Variants in ADGRL3 observed in about 807,000 individuals in gnomAD.
The protein encoded by ADGRL3 is adhesion G protein-coupled receptor L3.
Under a neutral mutation model 153.5 loss-of-function variants are expected in ADGRL3, and 62 were observed. The ratio of observed to expected loss-of-function variants is 0.40; its 90% CI spans 0.33 to 0.50. The LOEUF is 0.50. Ranked by LOEUF, ADGRL3 falls within the 20% of genes least tolerant of loss-of-function variation. The pLI is 0.47. For missense variants in ADGRL3, 1,641 were observed against 1,859.4 expected, an observed-to-expected ratio of 0.88 and a Z score of 2.16; for synonymous variants, 710 against 672.5, an observed-to-expected ratio of 1.06 and a Z score of -0.86.
intron 8 of ADGRL3, among the ~76,000 whole-genome samples, chr4:61,783,208 T>G (rs1296154881): frequency 6.6e-6 from 1 of 152,102 alleles, no homozygotes; most frequent in Non-Finnish European, 1.5e-5. Context: ...GCTTAAGGGA[T>G]TCTGTGACTC....
intron 1 of ADGRL3, among the ~76,000 whole-genome samples, chr4:61,363,830 G>A (rs2151543783): frequency 6.6e-6 from 1 of 152,014 alleles, no homozygotes; most frequent in Admixed American, 6.6e-5. Flanking sequence ...AGTAAATTGA[G>A]GCAAAAGTAC....
At chr4:61,335,831 A>G (rs141775738) in intron 1 of ADGRL3, among the ~76,000 whole-genome samples, 4 of 152,310 alleles carry the variant, frequency 2.6e-5, no homozygotes, top group East Asian at 3.9e-4. Flanking sequence ...CTTAATTTCT[A>G]TAAACTCTTT....
At chr4:61,630,817 T>A (rs2093118365) in intron 5 of ADGRL3, among the ~76,000 whole-genome samples, 1 of 152,356 alleles carries the variant, frequency 6.6e-6, no homozygotes, top group Middle Eastern at 3.4e-3. Context: ...GATATGAGGT[T>A]TGTAGGCTCC....
chr4:61,896,010 G>C (rs1369927337), intron 11 of ADGRL3, among the ~76,000 whole-genome samples, 176 bp downstream of exon 11: 1 of 151,942 alleles, frequency 6.6e-6, no homozygotes, highest in Non-Finnish European at 1.5e-5. Context: ...TGTTTTTAAA[G>C]TGCAAATCCA....
intron 17 of ADGRL3, among the ~76,000 whole-genome samples, chr4:61,963,304 T>A (rs1191772976): frequency 6.6e-6 from 1 of 152,048 alleles, no homozygotes. Context: ...ATGTGCAGGT[T>A]TGTGACATGG....
chr4:61,419,420 CA>C (rs1201152126), intron 2 of ADGRL3, among the ~76,000 whole-genome samples: 2 of 150,638 alleles, frequency 1.3e-5, no homozygotes, highest in African/African-American at 4.9e-5. Flanking sequence ...AGAGCCAACC[CA>C]GGGGGCAAGG....
chr4:61,907,936 C>A (rs561968084), intron 11 of ADGRL3, among the ~76,000 whole-genome samples: 4 of 152,092 alleles, frequency 2.6e-5, no homozygotes, highest in African/African-American at 9.6e-5. Context: ...TTTTCCTAGC[C>A]CTCACTCAAA....
intron 19 of ADGRL3, 150 bp from the exon 20 acceptor site, chr4:61,996,141 T>A: frequency 5.1e-6 from 3 of 585,256 alleles, no homozygotes; most frequent in Non-Finnish European, 9.3e-6. Flanking sequence ...GGGCACATAA[T>A]TCAGCATTTA....
intron 3 of ADGRL3, 42 bp downstream of exon 3, chr4:61,497,390 C>T: frequency 7.5e-7 from 1 of 1,327,604 alleles, no homozygotes; most frequent in Non-Finnish European, 1.1e-6. Flanking sequence ...AATGTTGTCT[C>T]ACTTATTCAT....
intron 2 of ADGRL3, among the ~76,000 whole-genome samples, chr4:61,429,155 C>A (rs1056798943): frequency 6.6e-6 from 1 of 152,054 alleles, no homozygotes; most frequent in Admixed American, 6.6e-5. Context: ...CCAACAATCA[C>A]AGTATTGTTT....
intron 23 of ADGRL3, 90 bp downstream of exon 23, chr4:62,031,700 T>C (rs1231666955): frequency 1.2e-6 from 1 of 846,128 alleles, no homozygotes; most frequent in South Asian, 2.2e-5. Context: ...TTATTCTTGA[T>C]ATGTTTGTCT....
chr4:62,012,487 C>A (rs1270362734), intron 21 of ADGRL3, among the ~76,000 whole-genome samples: 1 of 152,176 alleles, frequency 6.6e-6, no homozygotes, highest in Non-Finnish European at 1.5e-5. Flanking sequence ...TTAATTAACT[C>A]ACCTCAAACC....
In ADGRL3 at chr4:61,694,192, T is replaced by C. The variant is rs1485214152; in HGVS notation, c.583+17257T>C. ...AATTTTGTCATTATTTTTTTTTTTT[T>C]TTTTTTTTTTTTTTTTTTTTTTTTT... On this transcript the variant is annotated intron_variant, in intron 6 of 26. Coordinates refer to ENST00000683033, the MANE Select transcript of ADGRL3 (RefSeq NM_001387552.1). Among the ~76,000 whole-genome samples the C allele has an allele frequency of 4.2e-3, 206 of 48,688 alleles. 2 individuals are homozygous for C. The South Asian group carries it at 0.059, about 14-fold the overall frequency. The allele number at this position is 48,688 out of a possible 152,430, so 31.9% of individuals were successfully genotyped here.
At chr4:61,539,861 C>A (rs2098680009) in intron 4 of ADGRL3, among the ~76,000 whole-genome samples, 1 of 152,152 alleles carries the variant, frequency 6.6e-6, no homozygotes, top group Non-Finnish European at 1.5e-5. Flanking sequence ...ACTGTCTCTG[C>A]CAGAGCCTTT....
chr4:62,068,826 C>T (rs889949196), intron 26 of ADGRL3, among the ~76,000 whole-genome samples: 2 of 152,148 alleles, frequency 1.3e-5, no homozygotes, highest in African/African-American at 4.8e-5. Context: ...AACTGTCTTA[C>T]TTGAATACAC....
At chr4:61,732,350 T>G (rs2096456880) in intron 7 of ADGRL3, among the ~76,000 whole-genome samples, 1 of 152,182 alleles carries the variant, frequency 6.6e-6, no homozygotes, top group Non-Finnish European at 1.5e-5. Context: ...TTCATCAGAA[T>G]GGAAACAATA....
chr4:61,662,481 C>T (rs941929121), intron 5 of ADGRL3, among the ~76,000 whole-genome samples: 8 of 152,204 alleles, frequency 5.3e-5, no homozygotes, highest in East Asian at 1.9e-4. Context: ...ACATACCAGC[C>T]GCCTGCTGCC....
chr4:61,412,763 A>AT (rs924550189), intron 2 of ADGRL3, among the ~76,000 whole-genome samples: 5 of 151,904 alleles, frequency 3.3e-5, no homozygotes, highest in Admixed American at 2.6e-4. Context: ...CCTGTTCTAG[A>AT]TTTTTTTATT....
rs551416028 is a variant in ADGRL3 at position 61,619,066 on chromosome 4, G to GCAAA, written c.473+31627_473+31630dup. ...TTTTTTAAATGAGCCTTTAGGCAAA[G>GCAAA]CAAATCACATGGCCAACTCTTGTAG... On this transcript the variant is annotated intron_variant, in intron 5 of 26. Coordinates refer to ENST00000683033, the MANE Select transcript of ADGRL3 (RefSeq NM_001387552.1). 1.8e-4 allele frequency among the ~76,000 whole-genome samples: 28 copies of GCAAA among 152,262 alleles called. No homozygotes were observed. In the South Asian group the frequency reaches 4.6e-3, roughly 25 times the overall value.
Sources: gnomAD v4.1 joint callset for allele counts (sites outside exome capture counted in the v4.1 genomes callset) on GRCh38, gnomAD v4.1.1 for gene constraint, MANE v1.5 for transcripts, NCBI Gene and HGNC (gene_info 2026-07-23, HGNC 2026-07-21) for gene names.